The following RFX3 variants were observed in gnomAD, a reference collection of about 807,000 sequenced individuals.
RFX3 encodes regulatory factor X3.
In RFX3, 14 loss-of-function variants were observed where a neutral mutation model predicts 98.6. The observed-to-expected ratio is 0.14, with a 90% CI of 0.09 to 0.22. The LOEUF (loss-of-function observed/expected upper bound fraction) is 0.22, where lower values mean the gene tolerates loss of function less well. RFX3 is among the 10% of genes least tolerant of loss of function. The probability of loss-of-function intolerance (pLI) is 1.00; values close to 1 mark genes in which losing one functional copy is unlikely to be tolerated. For missense variants in RFX3, 639 were observed against 926.9 expected (o/e 0.69, Z 4.03); for synonymous variants, 383 against 328.4 (o/e 1.17, Z -1.80).
intron 6 of RFX3, among the ~76,000 whole-genome samples, chr9:3,289,962 C>T (rs1827124671): frequency 6.6e-6 from 1 of 151,510 alleles, no homozygotes; most frequent in South Asian, 2.1e-4. Flanking sequence ...ATTTAATTTG[C>T]CTCATGATTT....
Position 3,399,072 on chromosome 9 carries a change from G to C in RFX3, c.-8-3476C>G, listed in dbSNP as rs1050748618. Among the ~76,000 whole-genome samples, 8 of 151,830 alleles carry C rather than the reference G, an allele frequency of 5.3e-5. No individual in the cohort carries two copies. The East Asian group carries it at 1.2e-3, about 22-fold the overall frequency. On this transcript the variant is annotated intron_variant, in intron 1 of 16. Transcript: ENST00000617270. ...ACATTTGACTCCCCACTCGGGTTTTGTTTGACTCAGAGTGATTACAAAATT... is the reference window on the plus strand; with the variant it reads ...ACATTTGACTCCCCACTCGGGTTTTCTTTGACTCAGAGTGATTACAAAATT...
At chr9:3,248,826 G>T (rs920742435) in intron 14 of RFX3, among the ~76,000 whole-genome samples, 1 of 152,020 alleles carries the variant, frequency 6.6e-6, no homozygotes, top group Admixed American at 6.6e-5. Context: ...AATCAATTAA[G>T]AAATGCGTTA....
intron 4 of RFX3, among the ~76,000 whole-genome samples, chr9:3,315,814 G>A (rs1830516170): frequency 6.6e-6 from 1 of 152,094 alleles, no homozygotes; most frequent in South Asian, 2.1e-4. Context: ...ACCCTCCCAA[G>A]ACTAAATCAG....
chr9:3,517,290 A>G (rs989229085), intron 1 of RFX3, among the ~76,000 whole-genome samples: 25 of 152,194 alleles, frequency 1.6e-4, no homozygotes, highest in African/African-American at 6.0e-4. Flanking sequence ...ACAGTTAGAA[A>G]TAGAGTGAGA....
chr9:3,287,746 G>C (rs1278788913), intron 7 of RFX3, among the ~76,000 whole-genome samples: 1 of 151,952 alleles, frequency 6.6e-6, no homozygotes, highest in Non-Finnish European at 1.5e-5. Flanking sequence ...CAAACATTCT[G>C]CAAGAATTCA....
intron 2 of RFX3, among the ~76,000 whole-genome samples, chr9:3,366,707 T>TTTCTTTCTTTC (rs1389693124): frequency 8.0e-6 from 1 of 125,120 alleles, no homozygotes; most frequent in Middle Eastern, 3.6e-3. Context: ...TCTTTCTTTC[T>TTTCTTTCTTTC]TTCTTTCTTT....
At chr9:3,262,866 GA>G (rs1823104774) in intron 13 of RFX3, 68 bp downstream of exon 13, 1 of 1,469,792 alleles carries the variant, frequency 6.8e-7, no homozygotes, top group African/African-American at 1.4e-5. Context: ...GAAATTTGAT[GA>G]TCCCAATTAA....
At chr9:3,385,148 GCT>G (rs1157766008) in intron 2 of RFX3, among the ~76,000 whole-genome samples, 1 of 152,138 alleles carries the variant, frequency 6.6e-6, no homozygotes, top group South Asian at 2.1e-4. Context: ...AAGGGTAGGT[GCT>G]CTGTTTAAAT....
chr9:3,334,184 T>A (rs1641289722), intron 3 of RFX3, among the ~76,000 whole-genome samples: 1 of 152,208 alleles, frequency 6.6e-6, no homozygotes, highest in Non-Finnish European at 1.5e-5. Flanking sequence ...AGGGACCATA[T>A]GAACTTCCTG....
At chr9:3,431,779 C>T (rs1844677194) in intron 1 of RFX3, among the ~76,000 whole-genome samples, 1 of 152,094 alleles carries the variant, frequency 6.6e-6, no homozygotes, top group Admixed American at 6.6e-5. Context: ...TTTCTGCCAA[C>T]CAAGTAGCAG....
chr9:3,368,087 T>A (rs1837410240), intron 2 of RFX3, among the ~76,000 whole-genome samples: 1 of 152,214 alleles, frequency 6.6e-6, no homozygotes, highest in East Asian at 1.9e-4. Flanking sequence ...TCCACTAGCA[T>A]AAATTGTTCC....
rs182426994 is a variant in RFX3 at position 3,472,229 on chromosome 9, C to T, written c.-9+53518G>A. ...AAGAAGGCCAAGAATATTAAAGCAC[C>T]GGATATTAAGGTGTAAAGCAGTATT... On this transcript the variant is annotated intron_variant, in intron 1 of 16. Transcript: ENST00000617270. 2.1e-3 allele frequency among the ~76,000 whole-genome samples: 318 copies of T among 152,180 alleles called. 2 individuals are homozygous for T. The highest frequency in any genetic ancestry group is 7.3e-3 in the African/African-American group (304 of 41,508).
intron 1 of RFX3, among the ~76,000 whole-genome samples, chr9:3,494,549 T>C (rs1215550404): frequency 6.6e-6 from 1 of 152,126 alleles, no homozygotes; most frequent in Admixed American, 6.6e-5. Context: ...AGTGGCTCTC[T>C]CCAGCTGGTA....
chr9:3,246,863 G>A (rs1237887492), intron 15 of RFX3, among the ~76,000 whole-genome samples: 2 of 152,154 alleles, frequency 1.3e-5, no homozygotes, highest in Non-Finnish European at 2.9e-5. Flanking sequence ...CATTTAGATG[G>A]ATATACAGCA....
chr9:3,404,565 T>G (rs1397522869), intron 1 of RFX3, among the ~76,000 whole-genome samples: 3 of 152,120 alleles, frequency 2.0e-5, no homozygotes, highest in African/African-American at 7.2e-5. Flanking sequence ...CTTTAAAATC[T>G]CCTTACTATA....
At position 3,263,038 on chromosome 9, in the gene RFX3, G is replaced by C. The variant is rs1459967938; in HGVS notation, c.1502C>G (p.Ser501Trp). ...AGCTGCCTGGGCCAGGTGATTAAGC[G>C]ACGTGTATCTTCGCAGAGTCTGGGC... ...AFAQTLRRYT[S>W]LNHLAQAARA... is the part of the protein sequence containing the mutation. Residue 501 changes from serine (S) to tryptophan (W), a missense_variant, in exon 13 of 17, where the codon TCG (serine) becomes TGG (tryptophan). Transcript: ENST00000617270. 6.2e-7 allele frequency: 1 copy of C among 1,613,840 alleles called. No individual in the cohort carries two copies.
In RFX3 at chr9:3,271,045, G is replaced by C. The variant is rs1824364289; in HGVS notation, c.1160C>G (p.Ser387Cys). ...EKLWQTFWRYSPSTPTDGTTI... is the reference protein window; with the variant it reads ...EKLWQTFWRYCPSTPTDGTTI... Reference sequence around the variant, plus strand: ...AGTGCCATCAGTTGGAGTAGAGGGAGAATAGCGCCAGAATGTTTGCCACAA... The same window carrying C: ...AGTGCCATCAGTTGGAGTAGAGGGACAATAGCGCCAGAATGTTTGCCACAA... Residue 387 changes from serine to cysteine, a missense_variant, in exon 10 of 17, where the codon TCT (serine) becomes TGT (cysteine). This residue lies in a region of RFX3 where 30 missense variants were observed against 23.0 expected (regional missense o/e 1.30). Coordinates refer to ENST00000617270, the MANE Select transcript of RFX3 (RefSeq NM_001282116.2). 1 of 1,613,782 alleles carries C rather than the reference G, an allele frequency of 6.2e-7. No homozygotes were observed. Among genetic ancestry groups the C allele is most frequent in the Non-Finnish European group, 8.5e-7 (1 of 1,179,738 alleles).
At chr9:3,423,778 C>CATATACATAT (rs1491553405) in intron 1 of RFX3, among the ~76,000 whole-genome samples, 9 of 111,054 alleles carry the variant, frequency 8.1e-5, no homozygotes, top group African/African-American at 2.5e-4. Flanking sequence ...TATATATTTT[C>CATATACATAT]ATATATATAT....
chr9:3,436,033 G>C (rs1366587840), intron 1 of RFX3, among the ~76,000 whole-genome samples: 1 of 151,898 alleles, frequency 6.6e-6, no homozygotes, highest in Non-Finnish European at 1.5e-5. Context: ...GTAGTGATAG[G>C]TAACTATATT....
Sources: gnomAD v4.1 joint callset for allele counts (sites outside exome capture counted in the v4.1 genomes callset) on GRCh38, gnomAD v4.1.1 for gene constraint, gnomAD v4.1.1 regional missense constraint, MANE v1.5 for transcripts, NCBI Gene and HGNC (gene_info 2026-07-23, HGNC 2026-07-21) for gene names.